Variants in PBX1 observed in about 807,000 individuals in gnomAD.
The protein encoded by PBX1 is pre-B-cell leukemia transcription factor 1.
Under a neutral mutation model 53.4 loss-of-function variants are expected in PBX1, and 6 were observed. The ratio of observed to expected loss-of-function variants is 0.11; its 90% CI spans 0.06 to 0.22. The LOEUF is 0.22. Ranked by LOEUF, PBX1 falls within the 10% of genes least tolerant of loss-of-function variation. PBX1 has a pLI of 1.00. For missense variants in PBX1, 251 were observed against 551.4 expected (o/e 0.46, Z 5.46); for synonymous variants, 204 against 212.3 (o/e 0.96, Z 0.34).
chr1:164,566,961 T>G (rs1302448880), intron 2 of PBX1, among the ~76,000 whole-genome samples: 1 of 152,148 alleles, frequency 6.6e-6, no homozygotes, highest in Non-Finnish European at 1.5e-5. Flanking sequence ...ACCCTTTTGT[T>G]CTCTCTCTTT....
At chr1:164,686,603 A>C (rs1241308158) in intron 2 of PBX1, among the ~76,000 whole-genome samples, 1 of 152,196 alleles carries the variant, frequency 6.6e-6, no homozygotes, top group Non-Finnish European at 1.5e-5. Flanking sequence ...TTGTGTTCAC[A>C]GAAGTGAATC....
chr1:164,631,830 C>T lies in PBX1; in HGVS notation c.265+68519C>T, dbSNP rs16833383. Among the ~76,000 whole-genome samples the T allele has an allele frequency of 7.0e-3, 1,065 of 152,260 alleles. 16 individuals carry two copies. Among genetic ancestry groups the T allele is most frequent in the African/African-American group, 0.025 (1,019 of 41,530 alleles). ...AATTGGAACTGATTTGGGCCATATT[C>T]GACTATTTTCATATTAAGAAACATT... On this transcript the variant is annotated intron_variant, in intron 2 of 8. Transcript: ENST00000420696.
At chr1:164,749,908 G>C (rs1666103930) in intron 2 of PBX1, among the ~76,000 whole-genome samples, 1 of 152,080 alleles carries the variant, frequency 6.6e-6, no homozygotes. Flanking sequence ...AGACCAGCCT[G>C]GGCAACATTA....
At chr1:164,708,725 T>C (rs747625417) in intron 2 of PBX1, among the ~76,000 whole-genome samples, 2 of 152,214 alleles carry the variant, frequency 1.3e-5, no homozygotes, top group Non-Finnish European at 2.9e-5. Flanking sequence ...ATACAATCTT[T>C]ACAACAAATA....
downstream of PBX1, chr1:164,851,864 T>G (rs911773822): frequency 6.1e-6 from 1 of 164,486 alleles, no homozygotes; most frequent in East Asian, 1.3e-4. Context: ...TTTTCTTACA[T>G]GCTGGCAACT....
At chr1:164,629,133 A>G (rs35572019) in intron 2 of PBX1, among the ~76,000 whole-genome samples, 4,972 of 152,202 alleles carry the variant, frequency 0.033, 135 homozygotes, top group Admixed American at 0.055. Context: ...GGCTCTGTTT[A>G]TTAGACTGCC....
chr1:164,644,850 A>G (rs975682266), intron 2 of PBX1, among the ~76,000 whole-genome samples: 1 of 152,158 alleles, frequency 6.6e-6, no homozygotes, highest in Non-Finnish European at 1.5e-5. Context: ...CAGCCAGTGG[A>G]ATCAGTTGGG....
intron 4 of PBX1, among the ~76,000 whole-genome samples, chr1:164,803,715 C>T (rs1057469211): frequency 2.0e-5 from 3 of 152,138 alleles, no homozygotes; most frequent in Admixed American, 6.5e-5. Context: ...CCACTGAAAA[C>T]CCTTAACTGT....
chr1:164,871,696 C>A (rs1227654868), intron 2 of PBX1, among the ~76,000 whole-genome samples: 2 of 152,136 alleles, frequency 1.3e-5, no homozygotes, highest in East Asian at 1.9e-4. Flanking sequence ...CTGTGGGGAG[C>A]CTGTGAGGAT....
At chr1:164,741,038 G>C (rs1398873975) in intron 2 of PBX1, among the ~76,000 whole-genome samples, 1 of 152,142 alleles carries the variant, frequency 6.6e-6, no homozygotes, top group Admixed American at 6.5e-5. Context: ...CATTAATAAA[G>C]GTTTTATTTA....
rs548215631 is a variant in PBX1 at position 164,778,381 on chromosome 1, C to T, written c.266-14113C>T. Among the ~76,000 whole-genome samples the T allele has an allele frequency of 8.9e-4, 135 of 152,280 alleles. 5 individuals are homozygous for T. The South Asian group carries it at 0.027, about 30-fold the overall frequency. On this transcript the variant is annotated intron_variant, in intron 2 of 8. Transcript: ENST00000420696. ...ATAATAGACCAGGTGCAGTGGCTCA[C>T]ACCTGTAATCCCAACACTTTGGGAG...
In PBX1 at chr1:164,866,084, C is replaced by A. The variant is rs559186805; in HGVS notation, n.258-33104C>A. On this transcript the variant is annotated intron_variant and non_coding_transcript_variant, in intron 2 of 2. Coordinates refer to the PBX1 transcript ENST00000558796. ...GTACTCTAAGCTTCCAGTTCGTACA[C>A]CAGCCACCAGATCATGGCGCTTAAA... Among the ~76,000 whole-genome samples the A allele has an allele frequency of 3.9e-5, 6 of 152,298 alleles. 1 individual carries two copies. In the South Asian group the frequency reaches 1.0e-3, roughly 26 times the overall value.
rs61801350 is a variant in PBX1, at chr1:164,739,573, C to G, written c.266-52921C>G. 6.0e-3 allele frequency among the ~76,000 whole-genome samples: 918 copies of G among 152,278 alleles called. 9 individuals are homozygous for G. The highest frequency in any genetic ancestry group is 0.02 in the Middle Eastern group (6 of 294). On this transcript the variant is annotated intron_variant, in intron 2 of 8. Coordinates refer to ENST00000420696, the MANE Select transcript of PBX1 (RefSeq NM_002585.4). ...TTCAAAAGAAATGAGCATTTTTCTT[C>G]CCCTTTCATTTCTAAAAGCAGATAT...
At chr1:164,804,050 A>G (rs1669215858) in intron 4 of PBX1, among the ~76,000 whole-genome samples, 1 of 152,154 alleles carries the variant, frequency 6.6e-6, no homozygotes, top group Admixed American at 6.5e-5. Flanking sequence ...ATTGTTATAT[A>G]TATACACATT....
chr1:164,847,391 G>A lies in PBX1; in HGVS notation c.*715G>A, dbSNP rs1671627985. On this transcript the variant is annotated 3_prime_UTR_variant, in exon 9 of 9. Coordinates refer to ENST00000420696, the MANE Select transcript of PBX1 (RefSeq NM_002585.4). ...TCCCGGGCAGGAAGTCAGGCAGCAG[G>A]GAAGGACACGGGAACAGCAGGTGGA... 9.4e-7 allele frequency: 1 copy of A among 1,064,564 alleles called. No homozygotes were observed. Among genetic ancestry groups the A allele is most frequent in the Non-Finnish European group, 1.1e-6 (1 of 878,800 alleles). 65.9% of individuals were successfully genotyped at this position (1,064,564 alleles called of 1,614,324 possible).
intron 2 of PBX1, among the ~76,000 whole-genome samples, chr1:164,662,016 C>A (rs1240363825): frequency 6.6e-6 from 1 of 152,104 alleles, no homozygotes; most frequent in Non-Finnish European, 1.5e-5. Flanking sequence ...ACTTGAAGAG[C>A]CCTCCTTTAA....
chr1:164,586,811 T>A (rs756743518), intron 2 of PBX1, among the ~76,000 whole-genome samples: 37 of 152,080 alleles, frequency 2.4e-4, no homozygotes, highest in Non-Finnish European at 3.2e-4. Flanking sequence ...GAGCTGGAGA[T>A]CTCAAGGGAG....
chr1:164,674,756 A>G (rs567315705), intron 2 of PBX1: 1 of 151,522 alleles, frequency 6.6e-6, no homozygotes, highest in South Asian at 2.1e-4. Context: ...GAATGCTTCA[A>G]ACTGAATCCA....
intron 2 of PBX1, among the ~76,000 whole-genome samples, chr1:164,764,544 A>G (rs1441539330): frequency 6.6e-6 from 1 of 152,176 alleles, no homozygotes; most frequent in East Asian, 1.9e-4. Flanking sequence ...GTCAGGAGAA[A>G]CTTATGGTGC....
Sources: gnomAD v4.1 joint callset for allele counts (sites outside exome capture counted in the v4.1 genomes callset) on GRCh38, gnomAD v4.1.1 for gene constraint, MANE v1.5 for transcripts, NCBI Gene and HGNC (gene_info 2026-07-23, HGNC 2026-07-21) for gene names.